The following HPSE2 variants were observed in gnomAD, a reference collection of about 807,000 sequenced individuals.
HPSE2 encodes the protein heparanase 2 (inactive).
Under a neutral mutation model 60.5 loss-of-function variants are expected in HPSE2, and 38 were observed. The ratio of observed to expected loss-of-function variants is 0.63; its 90% CI spans 0.48 to 0.82. HPSE2 has a LOEUF of 0.82. Among genes scored for constraint, HPSE2 ranks in the 40% least tolerant of loss-of-function variants. The pLI, the probability that HPSE2 is intolerant of heterozygous loss-of-function variation, is 0.00. For synonymous variants in HPSE2, 295 were observed against 293.2 expected (o/e 1.01, Z -0.06); for missense variants, 713 against 740.4 (o/e 0.96, Z 0.43).
At chr10:99,251,741 T>C in the HPSE2 span, among the ~76,000 whole-genome samples, 4 of 151,696 alleles carry the variant, frequency 2.6e-5, no homozygotes, top group East Asian at 1.9e-4. Context: ...TTAAAAACAA[T>C]TGGCTAGGCA....
intron 9 of HPSE2, among the ~76,000 whole-genome samples, chr10:98,610,079 G>T (rs569810523): frequency 6.6e-6 from 1 of 152,202 alleles, no homozygotes; most frequent in South Asian, 2.1e-4. Flanking sequence ...CTGACCTCGT[G>T]ATCCGCCCGC....
intron 3 of HPSE2, among the ~76,000 whole-genome samples, chr10:99,138,305 A>AAT (rs1199121789): frequency 6.6e-6 from 1 of 152,242 alleles, no homozygotes; most frequent in African/African-American, 2.4e-5. Context: ...AGTGTAAATT[A>AAT]GTTCAACCAT....
chr10:98,675,474 G>A (rs1947611848), intron 6 of HPSE2, among the ~76,000 whole-genome samples: 1 of 151,862 alleles, frequency 6.6e-6, no homozygotes, highest in Admixed American at 6.6e-5. Flanking sequence ...GGGAGGCCAA[G>A]GCGGGAAGAC....
chr10:98,495,665 C>T (rs1941811496), intron 9 of HPSE2, among the ~76,000 whole-genome samples: 1 of 151,920 alleles, frequency 6.6e-6, no homozygotes, highest in Admixed American at 6.6e-5. Flanking sequence ...CTTTGAATTC[C>T]TCTAATAAAT....
intron 7 of HPSE2, among the ~76,000 whole-genome samples, chr10:98,633,384 T>C (rs1946415848): frequency 6.6e-6 from 1 of 151,634 alleles, no homozygotes; most frequent in African/African-American, 2.4e-5. Context: ...TTTCTTTTTT[T>C]GTGTGTGTGT....
intron 6 of HPSE2, among the ~76,000 whole-genome samples, chr10:98,646,627 A>C (rs1385861042): frequency 6.6e-6 from 1 of 152,228 alleles, no homozygotes; most frequent in South Asian, 2.1e-4. Context: ...CATATCAAGC[A>C]TATCTCTGGG....
chr10:98,575,514 T>C (rs990939116), intron 9 of HPSE2, among the ~76,000 whole-genome samples: 1 of 152,264 alleles, frequency 6.6e-6, no homozygotes, highest in Non-Finnish European at 1.5e-5. Flanking sequence ...ACATAGTTAA[T>C]ATTTATTAAG....
intron 3 of HPSE2, among the ~76,000 whole-genome samples, chr10:98,967,911 T>C (rs1383018826): frequency 1.3e-5 from 2 of 152,074 alleles, no homozygotes; most frequent in Admixed American, 6.6e-5. Context: ...AAGACTGAAA[T>C]TCTGAGGCCC....
intron 9 of HPSE2, among the ~76,000 whole-genome samples, chr10:98,605,781 C>T (rs560168622): frequency 6.4e-4 from 97 of 152,340 alleles, no homozygotes; most frequent in African/African-American, 2.3e-3. Context: ...CTGCCTGCCT[C>T]TGTGCCTGGC....
intron 3 of HPSE2, among the ~76,000 whole-genome samples, chr10:98,886,743 GA>G (rs1380634607): frequency 6.6e-6 from 1 of 152,132 alleles, no homozygotes; most frequent in African/African-American, 2.4e-5. Flanking sequence ...GAGAGAATCG[GA>G]AAAGCATAAG....
In HPSE2 at chr10:98,721,760, G is replaced by A. The variant is rs1212254074; in HGVS notation, c.853C>T (p.Gln285Ter). Reference protein sequence around the residue: ...NGSQLGKDYIQLKSLLQPIRI... With the variant: ...NGSQLGKDYI ...ATGGGCTGCAACAGGCTCTTCAGCT[G>A]GATGTAATCCTTTCCCAACTGGCTG... is the stretch of plus-strand genomic sequence containing the variant. The change falls in exon 5 of 12, where the codon CAG becomes TAG. Residue 285 changes from glutamine (Q) to a stop codon, truncating the protein, a stop_gained. Transcript: ENST00000370552. LOFTEE classifies it high-confidence loss of function. 2 of 1,613,600 alleles carry A rather than the reference G, an allele frequency of 1.2e-6. No individual in the cohort carries two copies. Among genetic ancestry groups the A allele is most frequent in the Admixed American group, 1.7e-5 (1 of 59,936 alleles).
At chr10:98,654,109 G>A (rs944243012) in intron 6 of HPSE2, among the ~76,000 whole-genome samples, 3 of 151,692 alleles carry the variant, frequency 2.0e-5, no homozygotes, top group Admixed American at 2.0e-4. Context: ...TTTAGGTAAG[G>A]TATTGTTTTC....
intron 2 of HPSE2, among the ~76,000 whole-genome samples, chr10:99,168,990 C>G (rs1451420360): frequency 6.6e-6 from 1 of 151,274 alleles, no homozygotes; most frequent in Non-Finnish European, 1.5e-5. Flanking sequence ...GTCAGGAGAT[C>G]GAGACCATCC....
chr10:99,011,226 TA>T (rs1957005968), intron 3 of HPSE2, among the ~76,000 whole-genome samples: 2 of 152,166 alleles, frequency 1.3e-5, no homozygotes, highest in African/African-American at 4.8e-5. Context: ...TTGAACATTA[TA>T]AATATGAAAC....
the HPSE2 span, among the ~76,000 whole-genome samples, chr10:99,280,055 G>T: frequency 1.3e-5 from 2 of 152,194 alleles, no homozygotes; most frequent in African/African-American, 2.4e-5. Context: ...GGAGAGCTGG[G>T]TTCTTCACTG....
chr10:99,193,859 C>T (rs1477695984), intron 2 of HPSE2, among the ~76,000 whole-genome samples: 1 of 152,084 alleles, frequency 6.6e-6, no homozygotes, highest in Non-Finnish European at 1.5e-5. Flanking sequence ...TTCAACACCC[C>T]ACTTTCAGCA....
chr10:99,259,773 C>G, the HPSE2 span, among the ~76,000 whole-genome samples: 1 of 152,166 alleles, frequency 6.6e-6, no homozygotes, highest in Admixed American at 6.5e-5. Context: ...AGGTGAGCAA[C>G]AGGTGAGCAA....
intron 9 of HPSE2, among the ~76,000 whole-genome samples, chr10:98,594,023 A>G (rs1326483528): frequency 6.6e-6 from 1 of 152,160 alleles, no homozygotes; most frequent in African/African-American, 2.4e-5. Flanking sequence ...TTTTAAATTG[A>G]CAAATAAAAA....
At chr10:99,012,037 T>TA (rs1349068058) in intron 3 of HPSE2, among the ~76,000 whole-genome samples, 1 of 151,884 alleles carries the variant, frequency 6.6e-6, no homozygotes, top group Non-Finnish European at 1.5e-5. Flanking sequence ...AAACATACCT[T>TA]ACTTTTACTT....
Sources: gnomAD v4.1 joint callset for allele counts (sites outside exome capture counted in the v4.1 genomes callset) on GRCh38, gnomAD v4.1.1 for gene constraint, MANE v1.5 for transcripts, NCBI Gene and HGNC (gene_info 2026-07-23, HGNC 2026-07-21) for gene names.